FRMD5: variants seen among roughly 807,000 people sequenced by gnomAD.
FRMD5 encodes the protein FERM domain-containing protein 5.
In FRMD5, 20 loss-of-function variants were observed where a neutral mutation model predicts 69.0. The observed-to-expected ratio is 0.29, with a 90% CI of 0.20 to 0.42. FRMD5 has a LOEUF of 0.42. Ranked by LOEUF, FRMD5 falls within the 10% of genes least tolerant of loss-of-function variation. The pLI is 1.00. For missense variants in FRMD5, 595 were observed against 708.6 expected, an observed-to-expected ratio of 0.84 and a Z score of 1.82; for synonymous variants, 271 against 260.1, an observed-to-expected ratio of 1.04 and a Z score of -0.40.
At chr15:44,184,969 T>C (rs994540918) in intron 1 of FRMD5, among the ~76,000 whole-genome samples, 1 of 152,194 alleles carries the variant, frequency 6.6e-6, no homozygotes, top group South Asian at 2.1e-4. Flanking sequence ...TATTACAAAT[T>C]AGAATATGGG....
At chr15:43,996,739 A>G (rs556816575) in intron 1 of FRMD5, among the ~76,000 whole-genome samples, 666 of 57,408 alleles carry the variant, frequency 0.012, 11 homozygotes, top group African/African-American at 0.049. Flanking sequence ...TTTTTTTTGT[A>G]TACCAGTTTG....
intron 1 of FRMD5, among the ~76,000 whole-genome samples, chr15:44,130,265 C>T (rs866810474): frequency 1.3e-5 from 2 of 152,336 alleles, no homozygotes; most frequent in Admixed American, 6.5e-5. Flanking sequence ...CAAGAGGATT[C>T]GCCCACTAGT....
At chr15:44,117,991 CTTT>C (rs747747488) in intron 1 of FRMD5, among the ~76,000 whole-genome samples, 119 of 92,608 alleles carry the variant, frequency 1.3e-3, no homozygotes, top group African/African-American at 4.9e-3. Flanking sequence ...TTCTTTTTTA[CTTT>C]TTTTTTTTTT....
chr15:44,095,206 C>CTT (rs112078242), intron 1 of FRMD5, among the ~76,000 whole-genome samples: 8 of 142,960 alleles, frequency 5.6e-5, no homozygotes, highest in Admixed American at 2.1e-4. Flanking sequence ...CAATTTCTTT[C>CTT]TTTTTTTTTT....
chr15:43,873,605 C>A lies in FRMD5; in HGVS notation c.*280G>T. 4 of 1,448,434 alleles carry A rather than the reference C, an allele frequency of 2.8e-6. No homozygotes were observed. In the South Asian group the frequency reaches 5.4e-5, roughly 20 times the overall value. 89.7% of individuals were successfully genotyped at this position (1,448,434 alleles called of 1,614,324 possible). A position where few individuals can be genotyped will look rare whatever the true frequency, so the allele number is the denominator to read the frequency against. ...TCTATGAAAAATCAAAATTCAAAACCAAAAATTATCCTGCAAATTGGAAAG... is the reference window on the plus strand; with the variant it reads ...TCTATGAAAAATCAAAATTCAAAACAAAAAATTATCCTGCAAATTGGAAAG... On this transcript the variant is annotated 3_prime_UTR_variant, in exon 14 of 14. Coordinates refer to ENST00000417257, the MANE Select transcript of FRMD5 (RefSeq NM_032892.5).
chr15:44,100,147 G>A (rs1382647005), intron 1 of FRMD5, among the ~76,000 whole-genome samples: 1 of 150,486 alleles, frequency 6.6e-6, no homozygotes, highest in Non-Finnish European at 1.5e-5. Flanking sequence ...TCCACCTCCC[G>A]GGTTCAAGTG....
intron 1 of FRMD5, among the ~76,000 whole-genome samples, chr15:43,958,840 C>CGGA (rs2090154529): frequency 6.6e-6 from 1 of 152,164 alleles, no homozygotes; most frequent in South Asian, 2.1e-4. Context: ...TGTTCTTTCC[C>CGGA]GTGTGGTGGT....
At chr15:44,076,153 TA>T (rs1203424615) in intron 1 of FRMD5, among the ~76,000 whole-genome samples, 2 of 152,034 alleles carry the variant, frequency 1.3e-5, no homozygotes, top group Non-Finnish European at 2.9e-5. Context: ...GGAGAAATAG[TA>T]ACACTTTTAC....
intron 1 of FRMD5, among the ~76,000 whole-genome samples, chr15:44,115,816 G>A (rs2076860256): frequency 6.6e-6 from 1 of 152,308 alleles, no homozygotes; most frequent in East Asian, 1.9e-4. Context: ...TGCTACAAAG[G>A]TAGGTGCAGT....
intron 1 of FRMD5, among the ~76,000 whole-genome samples, chr15:44,190,559 C>A (rs1358233210): frequency 6.6e-6 from 1 of 152,214 alleles, no homozygotes; most frequent in East Asian, 1.9e-4. Context: ...GCTATACCAA[C>A]TGGCACTCCA....
chr15:44,076,344 T>G (rs1357719696), intron 1 of FRMD5, among the ~76,000 whole-genome samples: 12 of 150,552 alleles, frequency 8.0e-5, no homozygotes, highest in Non-Finnish European at 1.8e-4. Flanking sequence ...TGTGGCATTA[T>G]TCACAATAGC....
chr15:44,171,490 G>A (rs980334800), intron 1 of FRMD5, among the ~76,000 whole-genome samples: 1 of 152,190 alleles, frequency 6.6e-6, no homozygotes. Context: ...TTTAATATAC[G>A]TTGAAGTATA....
At chr15:44,119,574 T>C (rs2076917785) in intron 1 of FRMD5, among the ~76,000 whole-genome samples, 1 of 152,180 alleles carries the variant, frequency 6.6e-6, no homozygotes, top group African/African-American at 2.4e-5. Flanking sequence ...CCCTTATTTT[T>C]ATTTCCCATG....
chr15:44,037,885 C>T (rs1891993194), intron 1 of FRMD5, among the ~76,000 whole-genome samples: 1 of 152,302 alleles, frequency 6.6e-6, no homozygotes, highest in Non-Finnish European at 1.5e-5. Context: ...ACCACACTGT[C>T]TTCCACAATG....
At chr15:44,125,457 G>A (rs1322523665) in intron 1 of FRMD5, among the ~76,000 whole-genome samples, 1 of 152,110 alleles carries the variant, frequency 6.6e-6, no homozygotes, top group Non-Finnish European at 1.5e-5. Context: ...ATAATACCAA[G>A]CTAAACGTTA....
chr15:43,942,551 C>G (rs992757988), intron 1 of FRMD5, among the ~76,000 whole-genome samples: 2 of 152,148 alleles, frequency 1.3e-5, no homozygotes, highest in African/African-American at 4.8e-5. Context: ...TTTAACCTTA[C>G]TCATCTGGAA....
intron 1 of FRMD5, among the ~76,000 whole-genome samples, chr15:43,955,999 A>G (rs2090109636): frequency 6.6e-6 from 1 of 152,220 alleles, no homozygotes; most frequent in African/African-American, 2.4e-5. Flanking sequence ...AAAATCACTC[A>G]TAGCTGTACT....
intron 1 of FRMD5, among the ~76,000 whole-genome samples, chr15:44,017,345 A>C (rs1326136006): frequency 1.3e-5 from 2 of 151,896 alleles, no homozygotes; most frequent in African/African-American, 4.8e-5. Context: ...CTCAGAAAAA[A>C]AAAAACAAAA....
At chr15:44,136,976 ATTAG>A (rs1224426598) in intron 1 of FRMD5, among the ~76,000 whole-genome samples, 2 of 152,240 alleles carry the variant, frequency 1.3e-5, no homozygotes, top group South Asian at 2.1e-4. Context: ...TAGCTGCCAT[ATTAG>A]TTAGAGTTCA....
Sources: allele counts gnomAD v4.1 joint callset (sites outside exome capture counted in the v4.1 genomes callset), GRCh38; gene constraint gnomAD v4.1.1; transcripts MANE v1.5; gene names NCBI Gene and HGNC (gene_info 2026-07-23, HGNC 2026-07-21).